The following CUL4B variants were observed in gnomAD, a reference collection of about 807,000 sequenced individuals.
CUL4B encodes cullin-4B.
In CUL4B, 1 loss-of-function variant was observed where a neutral mutation model predicts 69.2. The ratio of observed to expected loss-of-function variants is 0.01; its 90% CI spans 0.01 to 0.07. CUL4B has a LOEUF of 0.07. CUL4B is among the 10% of genes least tolerant of loss of function. CUL4B has a pLI of 1.00. For missense variants in CUL4B, 328 were observed against 638.8 expected, an observed-to-expected ratio of 0.51 and a Z score of 5.24; for synonymous variants, 237 against 223.2, an observed-to-expected ratio of 1.06 and a Z score of -0.55.
chrX:120,575,026 T>C (rs1925829877), intron 1 of CUL4B, among the ~76,000 whole-genome samples: 1 of 111,771 alleles, frequency 8.9e-6, no homozygotes, highest in African/African-American at 3.3e-5. Flanking sequence ...ATCTCACTTA[T>C]GATCTGAATC....
chrX:120,528,336 G>T (rs1257092267), intron 19 of CUL4B, among the ~76,000 whole-genome samples: 1 of 109,146 alleles, frequency 9.2e-6, no homozygotes, highest in East Asian at 2.8e-4. Context: ...GAACCCGGGA[G>T]GTGGAGGTTG....
rs746726033 is a variant in CUL4B at position 120,535,782 on chromosome X, C to T, written c.2160+48G>A. On this transcript the variant is annotated intron_variant, in intron 16 of 19. Coordinates refer to ENST00000371322, the MANE Select transcript of CUL4B (RefSeq NM_001079872.2). ...TTTCAGTTAAGAAGGATGACCTAAA[C>T]ATTAAAGATAAAGATGAAAACTAAA... is the stretch of plus-strand genomic sequence containing the variant. The T allele has an allele frequency of 8.1e-6, 5 of 617,099 alleles. No individual in the cohort carries two copies. In the East Asian group the frequency reaches 2.1e-4, roughly 26 times the overall value. 50.9% of individuals were successfully genotyped at this position (617,099 alleles called of 1,213,427 possible). A position where few individuals can be genotyped will look rare whatever the true frequency, so the allele number is the denominator to read the frequency against.
chrX:120,574,814 G>A (rs1270537237), intron 1 of CUL4B, among the ~76,000 whole-genome samples: 1 of 111,923 alleles, frequency 8.9e-6, no homozygotes, highest in Non-Finnish European at 1.9e-5. Flanking sequence ...CAATTTTAGT[G>A]CTATTCTTTT....
Position 120,544,462 on chromosome X carries a change from G to A in CUL4B, c.1083+19C>T, listed in dbSNP as rs1214047557. 1 of 1,205,721 alleles carries A rather than the reference G, an allele frequency of 8.3e-7. No homozygotes were observed. The highest frequency in any genetic ancestry group is 1.1e-6 in the Non-Finnish European group (1 of 890,292). On this transcript the variant is annotated intron_variant, in intron 6 of 19. Coordinates refer to ENST00000371322, the MANE Select transcript of CUL4B (RefSeq NM_001079872.2). The stretch of plus-strand genomic sequence containing the variant: ...GGATAGCAATCAGCTCTGTATAGTA[G>A]GTGTAGTAGTTAACTTACTTGCAAA...
chrX:120,535,123 A>C (rs5956224), intron 16 of CUL4B, among the ~76,000 whole-genome samples: 6,374 of 110,528 alleles, frequency 0.058, 492 homozygotes, highest in African/African-American at 0.2. Flanking sequence ...TGAGCCCATG[A>C]GTTTGAGGTT....
rs1922923000 is a variant in CUL4B, at chrX:120,525,536, T to G, written c.*1225A>C. On this transcript the variant is annotated 3_prime_UTR_variant, in exon 20 of 20. Transcript: ENST00000371322. ...TGTATATATAAACAATCTTGGGACA[T>G]TCTCCTGAAAACTAGGTGTCCAGTG... 8.9e-6 allele frequency: 1 copy of G among 111,758 alleles called. No individual in the cohort carries two copies. The highest frequency in any genetic ancestry group is 1.9e-5 in the Non-Finnish European group (1 of 53,142). The allele number at this position is 111,758 out of a possible 1,213,427, so 9.2% of individuals were successfully genotyped here. A position where few individuals can be genotyped will look rare whatever the true frequency, so the allele number is the denominator to read the frequency against.
rs991339274 is a variant in CUL4B, at chrX:120,560,957, G to A, written c.-319C>T. On this transcript the variant is annotated 5_prime_UTR_variant, in exon 1 of 20. Coordinates refer to ENST00000371322, the MANE Select transcript of CUL4B (RefSeq NM_001079872.2). ...CCCCTTTCTGCAGGAGCGACTCAGC[G>A]AGTCTGTGAGGCTGCAGCTCCTCCT... 3 of 750,737 alleles carry A rather than the reference G, an allele frequency of 4.0e-6. No homozygotes were observed. Among genetic ancestry groups the A allele is most frequent in the South Asian group, 6.9e-5 (1 of 14,521 alleles). 61.9% of individuals were successfully genotyped at this position (750,737 alleles called of 1,213,427 possible). A position where few individuals can be genotyped will look rare whatever the true frequency, so the allele number is the denominator to read the frequency against.
chrX:120,528,720 C>CA (rs1030365288), intron 19 of CUL4B, among the ~76,000 whole-genome samples: 42 of 108,847 alleles, frequency 3.9e-4, no homozygotes, highest in Admixed American at 3.3e-3. Context: ...GACTCCATCT[C>CA]AAAAAAAAAC....
upstream of CUL4B, among the ~76,000 whole-genome samples, chrX:120,561,613 G>A: frequency 9.3e-6 from 1 of 107,672 alleles, no homozygotes; most frequent in Admixed American, 9.9e-5. Flanking sequence ...GGTAGTGACG[G>A]CGAGGGGCGG....
chrX:120,528,867 G>A (rs778937697), intron 19 of CUL4B, among the ~76,000 whole-genome samples: 4 of 112,120 alleles, frequency 3.6e-5, no homozygotes, highest in African/African-American at 1.3e-4. Context: ...TTATCTTCAT[G>A]ATTGCATTCT....
chrX:120,532,236 T>C, intron 18 of CUL4B, 186 bp downstream of exon 18: 2 of 422,762 alleles, frequency 4.7e-6, no homozygotes, highest in Non-Finnish European at 4.1e-6. Flanking sequence ...TTGAGTATCA[T>C]CTCAATCCTG....
Position 120,540,573 on chromosome X carries a change from A to G in CUL4B, c.1444-11T>C. 1 of 1,153,809 alleles carries G rather than the reference A, an allele frequency of 8.7e-7. No homozygotes were observed. The highest frequency in any genetic ancestry group is 1.2e-6 in the Non-Finnish European group (1 of 844,990). On this transcript the variant is annotated splice_polypyrimidine_tract_variant and intron_variant, in intron 10 of 19. Coordinates refer to ENST00000371322, the MANE Select transcript of CUL4B (RefSeq NM_001079872.2). ...AGTGCTGCCAAATGCCTAAAACAAA[A>G]AATTACCACTTTTTACTGTAATCGA... is the stretch of plus-strand genomic sequence containing the variant.
At chrX:120,559,646 T>C in intron 1 of CUL4B, 1 of 311,463 alleles carries the variant, frequency 3.2e-6, no homozygotes, top group Non-Finnish European at 5.5e-6. Context: ...CATAAAAAGA[T>C]CACTATTGCT....
At chrX:120,531,307 T>G (rs1923298544) in intron 18 of CUL4B, among the ~76,000 whole-genome samples, 2 of 106,646 alleles carry the variant, frequency 1.9e-5, no homozygotes, top group African/African-American at 6.8e-5. Flanking sequence ...GGTGACAGAG[T>G]GAGACTCCAC....
In CUL4B at chrX:120,525,513, T is replaced by C. The variant is rs1922921999; in HGVS notation, c.*1248A>G. On this transcript the variant is annotated 3_prime_UTR_variant, in exon 20 of 20. Coordinates refer to ENST00000371322, the MANE Select transcript of CUL4B (RefSeq NM_001079872.2). ...GAAAAACAGTACTTTTGCCATTTTGTATATATAAACAATCTTGGGACATTC... is the reference window on the plus strand; with the variant it reads ...GAAAAACAGTACTTTTGCCATTTTGCATATATAAACAATCTTGGGACATTC... 2 of 111,861 alleles carry C rather than the reference T, an allele frequency of 1.8e-5. No homozygotes were observed. The highest frequency in any genetic ancestry group is 3.8e-5 in the Non-Finnish European group (2 of 53,163). The allele number at this position is 111,861 out of a possible 1,213,427, so 9.2% of individuals were successfully genotyped here.
In CUL4B at chrX:120,543,680, G is replaced by A. The variant is rs144648119; in HGVS notation, c.1256+47C>T. ...TTAGGATGGCTAAAGTGCTGCAAGT[G>A]ATTTAACGACAGTTTAAGACTATTA... On this transcript the variant is annotated intron_variant, in intron 8 of 19. Coordinates refer to ENST00000371322, the MANE Select transcript of CUL4B (RefSeq NM_001079872.2). The A allele has an allele frequency of 1.1e-3, 982 of 925,146 alleles. 5 individuals carry two copies. The African/African-American group carries it at 0.016, about 15-fold the overall frequency. 76.2% of individuals were successfully genotyped at this position (925,146 alleles called of 1,213,427 possible).
At position 120,544,467 on chromosome X, in the gene CUL4B, A is replaced by G; in HGVS notation, c.1083+14T>C. On this transcript the variant is annotated intron_variant, in intron 6 of 19. Transcript: ENST00000371322. The stretch of plus-strand genomic sequence containing the variant: ...GCAATCAGCTCTGTATAGTAGGTGT[A>G]GTAGTTAACTTACTTGCAAATCAGA... 8.3e-7 allele frequency: 1 copy of G among 1,208,310 alleles called. No homozygotes were observed. The highest frequency in any genetic ancestry group is 1.1e-6 in the Non-Finnish European group (1 of 892,361).
chrX:120,565,900 T>C (rs1403068574), upstream of CUL4B, among the ~76,000 whole-genome samples: 1 of 105,232 alleles, frequency 9.5e-6, no homozygotes, highest in Admixed American at 1.0e-4. Flanking sequence ...TAATTTTTTT[T>C]TGTATTTTTA....
intron 15 of CUL4B, among the ~76,000 whole-genome samples, chrX:120,536,714 T>C (rs1296801755): frequency 8.9e-6 from 1 of 111,809 alleles, no homozygotes; most frequent in Non-Finnish European, 1.9e-5. Context: ...AAAGTATCCA[T>C]GCCAAGCCTG....
Sources: allele counts gnomAD v4.1 joint callset (sites outside exome capture counted in the v4.1 genomes callset), GRCh38; gene constraint gnomAD v4.1.1; transcripts MANE v1.5; gene names NCBI Gene and HGNC (gene_info 2026-07-23, HGNC 2026-07-21).